Variants in SPOCK3 observed in about 807,000 individuals in gnomAD.
SPOCK3 encodes the protein testican-3.
A neutral mutation model predicts 56.6 loss-of-function variants in SPOCK3; 30 were observed. That is an observed-to-expected ratio of 0.53 (90% CI 0.40 to 0.72). The LOEUF is 0.72. SPOCK3 is among the 30% of genes least tolerant of loss of function. The pLI, the probability that SPOCK3 is intolerant of heterozygous loss-of-function variation, is 0.00. For synonymous variants in SPOCK3, 196 were observed against 183.3 expected (o/e 1.07, Z -0.56); for missense variants, 527 against 530.0 (o/e 0.99, Z 0.06).
intron 2 of SPOCK3, among the ~76,000 whole-genome samples, chr4:167,128,745 C>T (rs574501025): frequency 1.1e-3 from 161 of 152,262 alleles, no homozygotes; most frequent in African/African-American, 3.7e-3. Context: ...ACTAGTATTG[C>T]CATTTGTTCT....
intron 6 of SPOCK3, among the ~76,000 whole-genome samples, chr4:166,873,812 G>C (rs1305703296): frequency 6.6e-6 from 1 of 152,200 alleles, no homozygotes; most frequent in Non-Finnish European, 1.5e-5. Flanking sequence ...GGTAGTTGGG[G>C]AAGGGTATAG....
intron 2 of SPOCK3, among the ~76,000 whole-genome samples, chr4:167,213,754 T>C (rs1336075843): frequency 6.6e-6 from 1 of 152,164 alleles, no homozygotes; most frequent in Non-Finnish European, 1.5e-5. Flanking sequence ...TGTTTGATGA[T>C]GAAATCCTAA....
At chr4:167,208,601 T>G (rs1734573593) in intron 2 of SPOCK3, among the ~76,000 whole-genome samples, 1 of 152,258 alleles carries the variant, frequency 6.6e-6, no homozygotes, top group South Asian at 2.1e-4. Context: ...GTCTTTATTT[T>G]TTTTCATTTC....
At chr4:167,006,656 A>G (rs1023388954) in intron 3 of SPOCK3, among the ~76,000 whole-genome samples, 15 of 152,218 alleles carry the variant, frequency 9.9e-5, no homozygotes, top group African/African-American at 3.4e-4. Flanking sequence ...TTTACATTTC[A>G]TATGAAAGCA....
intron 6 of SPOCK3, among the ~76,000 whole-genome samples, chr4:166,874,788 AG>A (rs1732905198): frequency 6.6e-6 from 1 of 152,342 alleles, no homozygotes; most frequent in Admixed American, 6.5e-5. Context: ...GACAGAAATT[AG>A]GGCAGATGCA....
chr4:167,177,906 G>A (rs1731123087), intron 2 of SPOCK3, among the ~76,000 whole-genome samples: 1 of 152,148 alleles, frequency 6.6e-6, no homozygotes, highest in East Asian at 1.9e-4. Flanking sequence ...AGACCTAGCT[G>A]TAAGATTTCA....
intron 4 of SPOCK3, among the ~76,000 whole-genome samples, chr4:166,988,900 T>C (rs541365878): frequency 1.9e-4 from 29 of 152,258 alleles, no homozygotes; most frequent in African/African-American, 6.7e-4. Context: ...CCTAATCCTC[T>C]TCCTTATATT....
intron 2 of SPOCK3, among the ~76,000 whole-genome samples, chr4:167,115,687 G>C (rs1428552662): frequency 6.6e-6 from 1 of 152,038 alleles, no homozygotes; most frequent in Non-Finnish European, 1.5e-5. Context: ...CAGTTGTTAG[G>C]AAGTAGGGAA....
At chr4:166,920,322 A>C (rs539172773) in intron 4 of SPOCK3, among the ~76,000 whole-genome samples, 1 of 152,154 alleles carries the variant, frequency 6.6e-6, no homozygotes, top group Non-Finnish European at 1.5e-5. Flanking sequence ...TGGAGAGTAT[A>C]CCTCCTGGCT....
At chr4:166,821,721 T>C (rs2198741) in intron 6 of SPOCK3, among the ~76,000 whole-genome samples, 112,352 of 151,852 alleles carry the variant, frequency 0.74, 41,622 homozygotes, top group East Asian at 0.81. Flanking sequence ...AGAAAGTAGA[T>C]TAGTGGTTGC....
chr4:166,928,045 A>T (rs957729454), intron 4 of SPOCK3, among the ~76,000 whole-genome samples: 2 of 152,204 alleles, frequency 1.3e-5, no homozygotes, highest in East Asian at 3.9e-4. Context: ...TAAACTTATT[A>T]GAATGGCCAA....
At chr4:166,992,499 A>C (rs1469017784) in intron 4 of SPOCK3, among the ~76,000 whole-genome samples, 1 of 152,138 alleles carries the variant, frequency 6.6e-6, no homozygotes, top group Admixed American at 6.6e-5. Context: ...ATAGGCAGCT[A>C]GTTTCCTCTT....
chr4:167,057,340 T>C (rs537170360), intron 3 of SPOCK3, among the ~76,000 whole-genome samples: 1 of 152,070 alleles, frequency 6.6e-6, no homozygotes, highest in African/African-American at 2.4e-5. Flanking sequence ...TCATGCCAAA[T>C]TGTAAAGACC....
At chr4:167,142,401 A>G (rs1163709315) in intron 2 of SPOCK3, among the ~76,000 whole-genome samples, 1 of 151,972 alleles carries the variant, frequency 6.6e-6, no homozygotes, top group Non-Finnish European at 1.5e-5. Context: ...ACTGGAAGCT[A>G]TTCTTTCCTA....
rs528633295 is a variant in SPOCK3 at position 167,101,202 on chromosome 4, G to T, written c.190-38665C>A. 1.1e-4 allele frequency among the ~76,000 whole-genome samples: 16 copies of T among 152,180 alleles called. 1 individual carries two copies. Among genetic ancestry groups the T allele is most frequent in the Admixed American group, 3.3e-4 (5 of 15,272 alleles). On this transcript the variant is annotated intron_variant, in intron 2 of 10. Coordinates refer to ENST00000357545, the MANE Select transcript of SPOCK3 (RefSeq NM_001040159.2). ...AGTAGGTGTCCATCTGACTTCTCAA[G>T]AACTGTCACAGGGCCTGCTAGTCAT...
Position 167,216,249 on chromosome 4 carries a change from A to C in SPOCK3, c.189+17736T>G, listed in dbSNP as rs1309095465. 3.3e-5 allele frequency among the ~76,000 whole-genome samples: 5 copies of C among 152,274 alleles called. No homozygotes were observed. In the East Asian group the frequency reaches 9.6e-4, roughly 29 times the overall value. ...GAGTTTGCGGTTTATCCCACCGAAA[A>C]AAATACCGTTTACAGATTTTTGGAA... On this transcript the variant is annotated intron_variant, in intron 2 of 10. Transcript: ENST00000357545.
intron 2 of SPOCK3, among the ~76,000 whole-genome samples, chr4:167,083,478 GT>G (rs1298268506): frequency 6.6e-6 from 1 of 152,066 alleles, no homozygotes; most frequent in Non-Finnish European, 1.5e-5. Context: ...GTACAACCTG[GT>G]ATCTCCATGC....
intron 2 of SPOCK3, among the ~76,000 whole-genome samples, chr4:167,209,791 A>G (rs1460537006): frequency 2.0e-5 from 3 of 152,174 alleles, no homozygotes; most frequent in Non-Finnish European, 4.4e-5. Context: ...TACAAAAAAA[A>G]TTTTTAAACC....
chr4:166,843,315 G>A (rs760715125), intron 6 of SPOCK3, among the ~76,000 whole-genome samples: 5 of 152,348 alleles, frequency 3.3e-5, no homozygotes, highest in Non-Finnish European at 5.9e-5. Flanking sequence ...GAGAGCGAGC[G>A]ACGGCCACCA....
Sources: gnomAD v4.1 joint callset for allele counts (sites outside exome capture counted in the v4.1 genomes callset) on GRCh38, gnomAD v4.1.1 for gene constraint, MANE v1.5 for transcripts, NCBI Gene and HGNC (gene_info 2026-07-23, HGNC 2026-07-21) for gene names.